The following RAPGEF4 variants were observed in gnomAD, a reference collection of about 807,000 sequenced individuals.
RAPGEF4 encodes the protein RAP guanine-nucleotide-exchange factor (GEF) 4.
RAPGEF4 carries 66 observed loss-of-function variants against 147.9 expected under a neutral mutation model. The ratio of observed to expected loss-of-function variants is 0.45; its 90% CI spans 0.37 to 0.55. The LOEUF (loss-of-function observed/expected upper bound fraction) is 0.55, where lower values mean the gene tolerates loss of function less well. Among genes scored for constraint, RAPGEF4 ranks in the 20% least tolerant of loss-of-function variants. The probability of loss-of-function intolerance (pLI) is 0.00; values close to 1 mark genes in which losing one functional copy is unlikely to be tolerated. For synonymous variants in RAPGEF4, 419 were observed against 442.7 expected, an observed-to-expected ratio of 0.95 and a Z score of 0.67; for missense variants, 1,071 against 1,257.3, an observed-to-expected ratio of 0.85 and a Z score of 2.24.
At chr2:172,990,682 A>G in intron 14 of RAPGEF4, 128 bp from the exon 15 acceptor site, 1 of 677,144 alleles carries the variant, frequency 1.5e-6, no homozygotes, top group South Asian at 1.8e-5. Context: ...TTGACTTTGA[A>G]AATGACTTAA....
chr2:172,970,097 C>T (rs1158951266), intron 10 of RAPGEF4, among the ~76,000 whole-genome samples: 1 of 152,006 alleles, frequency 6.6e-6, no homozygotes, highest in Non-Finnish European at 1.5e-5. Context: ...AATAACAGCT[C>T]CCGAGAGATG....
intron 4 of RAPGEF4, among the ~76,000 whole-genome samples, chr2:172,834,116 C>T (rs72900226): frequency 1.3e-5 from 2 of 152,182 alleles, no homozygotes; most frequent in Non-Finnish European, 1.5e-5. Flanking sequence ...AATTCTATCA[C>T]GTGCTGTTTT....
chr2:172,763,542 G>A (rs1233913009), intron 1 of RAPGEF4, among the ~76,000 whole-genome samples: 1 of 152,198 alleles, frequency 6.6e-6, no homozygotes, highest in Non-Finnish European at 1.5e-5. Context: ...GAGTAGGTGA[G>A]AGAACATCAG....
At chr2:172,814,680 A>C (rs891190030) in intron 4 of RAPGEF4, 11 of 473,204 alleles carry the variant, frequency 2.3e-5, no homozygotes, top group Non-Finnish European at 4.3e-5. Flanking sequence ...TTCTTGAATG[A>C]CCATAGAGTG....
At chr2:173,007,279 A>C (rs931025336) in intron 17 of RAPGEF4, among the ~76,000 whole-genome samples, 1 of 152,226 alleles carries the variant, frequency 6.6e-6, no homozygotes, top group Admixed American at 6.5e-5. Context: ...GACTTCTAAA[A>C]ACACAGAGGA....
chr2:172,961,819 C>A (rs1165389393), intron 8 of RAPGEF4, among the ~76,000 whole-genome samples: 2 of 152,168 alleles, frequency 1.3e-5, no homozygotes, highest in Admixed American at 6.5e-5. Flanking sequence ...GTGTGCCAGG[C>A]ACTATTGTGT....
chr2:173,006,405 T>A (rs534336878), intron 17 of RAPGEF4, among the ~76,000 whole-genome samples: 1 of 152,338 alleles, frequency 6.6e-6, no homozygotes, highest in African/African-American at 2.4e-5. Context: ...AAGCAATAAT[T>A]TTGGACAGTT....
chr2:172,983,366 T>C (rs1691885025), intron 10 of RAPGEF4, 130 bp from the exon 11 acceptor site: 1 of 1,470,932 alleles, frequency 6.8e-7, no homozygotes, highest in South Asian at 1.5e-5. Context: ...GTGCAACCTC[T>C]CCCTCCGCCA....
chr2:172,802,805 G>A (rs1687108901), intron 3 of RAPGEF4, among the ~76,000 whole-genome samples: 1 of 152,174 alleles, frequency 6.6e-6, no homozygotes, highest in Non-Finnish European at 1.5e-5. Context: ...TACAATGGGG[G>A]TACAGGCATT....
intron 12 of RAPGEF4, 93 bp downstream of exon 12, chr2:172,985,586 G>A (rs1692165062): frequency 6.4e-7 from 1 of 1,555,342 alleles, no homozygotes; most frequent in African/African-American, 1.4e-5. Context: ...CTCACTTCTT[G>A]GCCCCGGGTC....
At chr2:172,786,428 A>G (rs1355152191) in intron 1 of RAPGEF4, among the ~76,000 whole-genome samples, 1 of 152,318 alleles carries the variant, frequency 6.6e-6, no homozygotes, top group East Asian at 1.9e-4. Flanking sequence ...TGCCTAATGT[A>G]TAGTAGTAAA....
At chr2:172,930,772 T>C (rs1027535163) in intron 6 of RAPGEF4, among the ~76,000 whole-genome samples, 2 of 152,170 alleles carry the variant, frequency 1.3e-5, no homozygotes, top group Non-Finnish European at 2.9e-5. Flanking sequence ...TGGGATTCAA[T>C]TTGTTTGTGC....
intron 17 of RAPGEF4, among the ~76,000 whole-genome samples, chr2:173,008,690 C>T (rs1694731075): frequency 6.6e-6 from 1 of 152,082 alleles, no homozygotes; most frequent in Non-Finnish European, 1.5e-5. Flanking sequence ...AATCTGCTGC[C>T]TCTACATCCT....
chr2:172,785,424 T>C (rs1685106800), intron 1 of RAPGEF4, among the ~76,000 whole-genome samples: 1 of 152,220 alleles, frequency 6.6e-6, no homozygotes, highest in South Asian at 2.1e-4. Flanking sequence ...ACGACGGTGG[T>C]ACTAGAAATA....
At chr2:173,035,236 C>G (rs1438107311) in intron 27 of RAPGEF4, among the ~76,000 whole-genome samples, 1 of 151,758 alleles carries the variant, frequency 6.6e-6, no homozygotes, top group Admixed American at 6.6e-5. Flanking sequence ...CGGCCAGGCA[C>G]GGTGGCTCAC....
intron 4 of RAPGEF4, among the ~76,000 whole-genome samples, chr2:172,896,343 T>C (rs1451927375): frequency 1.3e-5 from 2 of 152,240 alleles, no homozygotes; most frequent in Admixed American, 1.3e-4. Context: ...TACATCATTA[T>C]GGCACACTGA....
chr2:172,960,996 G>C (rs1213534559), intron 7 of RAPGEF4, 126 bp from the exon 8 acceptor site: 2 of 861,892 alleles, frequency 2.3e-6, no homozygotes, highest in African/African-American at 3.4e-5. Context: ...ACAAAGTAAA[G>C]CACTGAGTGA....
At chr2:172,840,207 C>T (rs775542658) in intron 4 of RAPGEF4, among the ~76,000 whole-genome samples, 6 of 152,166 alleles carry the variant, frequency 3.9e-5, no homozygotes, top group Non-Finnish European at 5.9e-5. Flanking sequence ...TTGTTTATGG[C>T]TCTCTATTCC....
At chr2:172,800,264 C>T (rs1274703570) in intron 3 of RAPGEF4, among the ~76,000 whole-genome samples, 3 of 152,154 alleles carry the variant, frequency 2.0e-5, no homozygotes, top group African/African-American at 7.2e-5. Context: ...CCCTCTAGCC[C>T]TCTAGAGTAC....
Sources: allele counts gnomAD v4.1 joint callset (sites outside exome capture counted in the v4.1 genomes callset), GRCh38; gene constraint gnomAD v4.1.1; transcripts MANE v1.5; gene names NCBI Gene and HGNC (gene_info 2026-07-23, HGNC 2026-07-21).